The following ACTR3C variants were observed in gnomAD, a reference collection of about 807,000 sequenced individuals.
ACTR3C encodes actin related protein 3C, also known as actin-related protein 3C.
Under a neutral mutation model 26.3 loss-of-function variants are expected in ACTR3C, and 18 were observed. That is an observed-to-expected ratio of 0.68 (90% CI 0.47 to 1.01). The LOEUF is 1.01. ACTR3C is among the 50% of genes least tolerant of loss of function. The pLI is 0.00. For synonymous variants in ACTR3C, 55 were observed against 94.5 expected, an observed-to-expected ratio of 0.58 and a Z score of 2.42; for missense variants, 184 against 250.7, an observed-to-expected ratio of 0.73 and a Z score of 1.80.
At chr7:149,915,036 C>T in the ACTR3C span, among the ~76,000 whole-genome samples, 4 of 152,098 alleles carry the variant, frequency 2.6e-5, no homozygotes, top group African/African-American at 4.8e-5. Flanking sequence ...TGTACCACCA[C>T]GCCCTGCTAA....
chr7:150,116,810 C>T, the ACTR3C span, among the ~76,000 whole-genome samples: 2 of 152,112 alleles, frequency 1.3e-5, no homozygotes, highest in Admixed American at 1.3e-4. Context: ...CAAATAGGAA[C>T]AGCTCCGATC....
chr7:150,191,935 G>A, the ACTR3C span, among the ~76,000 whole-genome samples: 1 of 152,118 alleles, frequency 6.6e-6, no homozygotes, highest in Non-Finnish European at 1.5e-5. Flanking sequence ...TCTATCACGA[G>A]TGGATATTAT....
chr7:150,023,338 C>CATACATACATAGATAG, the ACTR3C span, among the ~76,000 whole-genome samples: 28 of 46,066 alleles, frequency 6.1e-4, 3 homozygotes, highest in Non-Finnish European at 1.1e-3. Flanking sequence ...TACATACATA[C>CATACATACATAGATAG]ATATATATTT....
chr7:149,980,969 T>C, the ACTR3C span, among the ~76,000 whole-genome samples: 1 of 151,210 alleles, frequency 6.6e-6, no homozygotes, highest in African/African-American at 2.5e-5. Flanking sequence ...TTGTCTATGA[T>C]TGGCAAGAGT....
At chr7:149,991,331 A>G in the ACTR3C span, among the ~76,000 whole-genome samples, 1 of 152,280 alleles carries the variant, frequency 6.6e-6, no homozygotes, top group Admixed American at 6.5e-5. Context: ...ACACAGCTAA[A>G]CCATATCACC....
the ACTR3C span, among the ~76,000 whole-genome samples, chr7:150,022,192 T>C: frequency 0.056 from 8,523 of 152,110 alleles, 825 homozygotes; most frequent in African/African-American, 0.19. Context: ...TGCATTGTGG[T>C]TTTAATTTGC....
At chr7:150,008,673 C>T in the ACTR3C span, among the ~76,000 whole-genome samples, 2 of 150,376 alleles carry the variant, frequency 1.3e-5, no homozygotes, top group Non-Finnish European at 3.0e-5. Flanking sequence ...CCACATCCCC[C>T]AGTGACCCAT....
intron 6 of ACTR3C, among the ~76,000 whole-genome samples, chr7:150,253,666 G>A (rs992705802): frequency 2.0e-5 from 3 of 151,710 alleles, no homozygotes; most frequent in Non-Finnish European, 4.4e-5. Context: ...TTAATAATGG[G>A]ATAGTAATAA....
At chr7:150,232,188 T>C in the ACTR3C span, among the ~76,000 whole-genome samples, 130 of 152,236 alleles carry the variant, frequency 8.5e-4, 1 homozygote, top group Non-Finnish European at 1.7e-3. Flanking sequence ...TAAAGTTCTA[T>C]GCAATTTTAA....
chr7:149,883,522 A>T, the ACTR3C span, among the ~76,000 whole-genome samples: 1 of 152,222 alleles, frequency 6.6e-6, no homozygotes, highest in African/African-American at 2.4e-5. Flanking sequence ...CAGAGGACAA[A>T]GCCACTGAGA....
the ACTR3C span, among the ~76,000 whole-genome samples, chr7:150,048,092 C>A: frequency 6.6e-6 from 1 of 152,152 alleles, no homozygotes; most frequent in African/African-American, 2.4e-5. Context: ...GAAGCCGGGG[C>A]TCTGGCTGTT....
intron 5 of ACTR3C, 89 bp downstream of exon 5, chr7:150,286,278 G>A (rs1420881974): frequency 2.1e-6 from 3 of 1,422,576 alleles, no homozygotes. Flanking sequence ...CTGCTCACAG[G>A]CCCTTCGCTG....
the ACTR3C span, among the ~76,000 whole-genome samples, chr7:149,891,787 A>G: frequency 1.2e-5 from 1 of 80,912 alleles, no homozygotes; most frequent in Admixed American, 1.7e-4. Context: ...ACGGCATCAC[A>G]GCACTCCAGC....
the ACTR3C span, among the ~76,000 whole-genome samples, chr7:150,210,213 A>G: frequency 6.7e-6 from 1 of 150,336 alleles, no homozygotes; most frequent in African/African-American, 2.5e-5. Flanking sequence ...TTGAAGACTG[A>G]TTATCTTGAG....
At chr7:150,033,995 G>GA in the ACTR3C span, among the ~76,000 whole-genome samples, 1 of 150,344 alleles carries the variant, frequency 6.7e-6, no homozygotes, top group Non-Finnish European at 1.5e-5. Flanking sequence ...GCCTCGGGGG[G>GA]ATTGCCTGCC....
the ACTR3C span, among the ~76,000 whole-genome samples, chr7:150,067,960 GCATTT>G: frequency 1.3e-5 from 2 of 152,128 alleles, no homozygotes; most frequent in East Asian, 1.9e-4. Context: ...GGTGATGCCA[GCATTT>G]CATTTGTCAG....
the ACTR3C span, among the ~76,000 whole-genome samples, chr7:150,118,420 G>A: frequency 5.9e-5 from 9 of 151,638 alleles, no homozygotes; most frequent in East Asian, 2.0e-4. Flanking sequence ...AACACAGCAC[G>A]AGAACTTTGT....
At chr7:150,072,699 GAGGCAGGC>G in the ACTR3C span, among the ~76,000 whole-genome samples, 10 of 152,086 alleles carry the variant, frequency 6.6e-5, no homozygotes, top group Admixed American at 5.9e-4. Context: ...GAAATAAACT[GAGGCAGGC>G]AGGCAGGCAG....
the ACTR3C span, among the ~76,000 whole-genome samples, chr7:149,983,581 C>T: frequency 6.6e-6 from 1 of 150,606 alleles, no homozygotes; most frequent in Admixed American, 6.6e-5. Flanking sequence ...CCTGAAAACA[C>T]TAAAAATAGA....
Sources: gnomAD v4.1 joint callset for allele counts (sites outside exome capture counted in the v4.1 genomes callset) on GRCh38, gnomAD v4.1.1 for gene constraint, MANE v1.5 for transcripts, NCBI Gene and HGNC (gene_info 2026-07-23, HGNC 2026-07-21) for gene names.